Variants in CD151 observed in about 807,000 individuals in gnomAD.
The protein encoded by CD151 is CD151 antigen.
In CD151, 20 loss-of-function variants were observed where a neutral mutation model predicts 34.2. That is an observed-to-expected ratio of 0.58 (90% CI 0.41 to 0.85). The LOEUF (loss-of-function observed/expected upper bound fraction) is 0.85, where lower values mean the gene tolerates loss of function less well. Ranked by LOEUF, CD151 falls within the 40% of genes least tolerant of loss-of-function variation. The probability of loss-of-function intolerance (pLI) is 0.00; values close to 1 mark genes in which losing one functional copy is unlikely to be tolerated. For synonymous variants in CD151, 157 were observed against 131.7 expected (o/e 1.19, Z -1.32); for missense variants, 306 against 324.5 (o/e 0.94, Z 0.44).
At chr11:837,422 G>A in intron 6 of CD151, 38 bp from the exon 7 acceptor site, 4 of 1,611,810 alleles carry the variant, frequency 2.5e-6, no homozygotes, top group East Asian at 2.2e-5. Flanking sequence ...AGGAGCCTCT[G>A]GCCCCAGGTC....
chr11:834,782 CCTGT>C (rs1255607753), intron 2 of CD151, 191 bp downstream of exon 2: 3 of 152,418 alleles, frequency 2.0e-5, no homozygotes, highest in Non-Finnish European at 2.9e-5. Context: ...AGGGGCATAG[CCTGT>C]CTGTGCTGCC....
At position 838,019 on chromosome 11, in the gene CD151, C is replaced by G. The variant is rs767797783; in HGVS notation, c.693C>G (p.Ala231=). 2.5e-6 allele frequency: 4 copies of G among 1,613,222 alleles called. No homozygotes were observed. Among genetic ancestry groups the G allele is most frequent in the Non-Finnish European group, 3.4e-6 (4 of 1,179,734 alleles). The change falls in exon 8 of 9, where the codon GCC becomes GCG. Residue 231 remains alanine, a synonymous_variant. Coordinates refer to ENST00000397420, the MANE Select transcript of CD151 (RefSeq NM_004357.5). ...TTGGGGCTGTGGGGATCGGCATTGC[C>G]TGTGTGCAGGTGAGGGCACATGGGG... ...RVIGAVGIGI[A]CVQVFGMIFT... is the part of the protein sequence containing the mutation.
At position 837,518 on chromosome 11, in the gene CD151, C is replaced by T; in HGVS notation, c.515C>T (p.Ser172Leu). 6.2e-7 allele frequency: 1 copy of T among 1,613,004 alleles called. No individual in the cohort carries two copies. The highest frequency in any genetic ancestry group is 1.1e-5 in the South Asian group (1 of 91,070). Residue 172 changes from serine (S) to leucine (L), a missense_variant, in exon 7 of 9, where the codon TCA becomes TTA. Coordinates refer to ENST00000397420, the MANE Select transcript of CD151 (RefSeq NM_004357.5). ...QDWRDSEWIR[S>L]QEAGGRVVPD... ...TGGCGAGACAGTGAGTGGATCCGCT[C>T]ACAGGAGGCCGGTGGCCGTGTGGTC...
rs1297827425 is a variant in CD151, at chr11:838,147, C to T, written c.717C>T (p.Ile239=). The T allele has an allele frequency of 1.9e-6, 3 of 1,613,092 alleles. No homozygotes were observed. Among genetic ancestry groups the T allele is most frequent in the Non-Finnish European group, 2.5e-6 (3 of 1,179,868 alleles). The change falls in exon 9 of 9, where the codon ATC becomes ATT. Residue 239 remains isoleucine, a synonymous_variant. Transcript: ENST00000397420. ...GIACVQVFGM[I]FTCCLYRSLK... is the part of the protein sequence containing the mutation. ...TCTGCACACAGGTCTTTGGCATGAT[C>T]TTCACGTGCTGCCTGTACAGGAGTC... is the stretch of plus-strand genomic sequence containing the variant.
rs1846767431 is a variant in CD151, at chr11:836,374, G to A, written c.208G>A (p.Val70Ile). The change falls in exon 4 of 9, where the codon GTC becomes ATC. Residue 70 changes from valine (V) to isoleucine (I), a missense_variant. Coordinates refer to ENST00000397420, the MANE Select transcript of CD151 (RefSeq NM_004357.5). ...CTACATCCTGGTGGTGGCGGGCACT[G>A]TCGTCATGGTGACTGGGGTCTTGGG... The part of the protein sequence containing the change: ...TAYILVVAGT[V>I]VMVTGVLGCC... 1 of 1,612,462 alleles carries A rather than the reference G, an allele frequency of 6.2e-7. No homozygotes were observed. The highest frequency in any genetic ancestry group is 8.5e-7 in the Non-Finnish European group (1 of 1,179,906).
chr11:836,431 C>G lies in CD151; in HGVS notation c.265C>G (p.Leu89Val), dbSNP rs1350600283. 2.5e-6 allele frequency: 4 copies of G among 1,607,850 alleles called. No individual in the cohort carries two copies. The highest frequency in any genetic ancestry group is 3.4e-6 in the Non-Finnish European group (4 of 1,178,780). Residue 89 changes from leucine to valine, a missense_variant, in exon 4 of 9, where the codon CTG (leucine) becomes GTG (valine). Physicochemically the swap from Leu to Val is conservative, Grantham distance 32. Transcript: ENST00000397420. ...CCATFKERRNLLRLYFILLLI... is the reference protein window; with the variant it reads ...CCATFKERRNVLRLYFILLLI... Reference sequence around the variant, plus strand: ...CGCCACCTTCAAGGAGCGTCGGAACCTGCTGCGCCTGGTCAGGAGGGCGCA... The same window carrying G: ...CGCCACCTTCAAGGAGCGTCGGAACGTGCTGCGCCTGGTCAGGAGGGCGCA...
chr11:837,613 G>A lies in CD151; in HGVS notation c.610G>A (p.Val204Met). The A allele has an allele frequency of 6.2e-7, 1 of 1,611,682 alleles. No individual in the cohort carries two copies. Among genetic ancestry groups the A allele is most frequent in the East Asian group, 2.2e-5 (1 of 44,836 alleles). Residue 204 changes from valine (V) to methionine (M), a missense_variant, in exon 7 of 9, where the codon GTG becomes ATG. Transcript: ENST00000397420. ...QRDHASNIYK[V>M]EGGCITKLET... ...AGACCATGCCTCCAACATCTACAAG[G>A]TGGAGGTGGGTGTGCAGCGGGATCA...
Position 837,478 on chromosome 11 carries a change from A to G in CD151, c.475A>G (p.Asn159Asp). Residue 159 changes from asparagine to aspartate, a missense_variant, in exon 7 of 9, where the codon AAC becomes GAC. Coordinates refer to ENST00000397420, the MANE Select transcript of CD151 (RefSeq NM_004357.5). Reference protein sequence around the residue: ...LQQEFHCCGSNNSQDWRDSEW... With the variant: ...LQQEFHCCGSDNSQDWRDSEW... ...GATGCAGTTCCACTGCTGTGGCAGC[A>G]ACAACTCACAGGACTGGCGAGACAG... 1 of 1,612,974 alleles carries G rather than the reference A, an allele frequency of 6.2e-7. No homozygotes were observed. Among genetic ancestry groups the G allele is most frequent in the Non-Finnish European group, 8.5e-7 (1 of 1,179,974 alleles).
chr11:838,509 C>G lies in CD151; in HGVS notation c.*317C>G, dbSNP rs984380423. On this transcript the variant is annotated 3_prime_UTR_variant, in exon 9 of 9. Transcript: ENST00000397420. ...GAGCGTTCCCAGCAGGGGGAGAAAC[C>G]CTTCACACCCCAGGCCCTTCAGGAA... 8.0e-6 allele frequency: 4 copies of G among 499,740 alleles called. No individual in the cohort carries two copies. In the Admixed American group the frequency reaches 1.1e-4, roughly 14 times the overall value. The allele number at this position is 499,740 out of a possible 1,614,324, so 31.0% of individuals were successfully genotyped here.
chr11:837,085 GT>G (rs1313622188), intron 5 of CD151, 164 bp from the exon 6 acceptor site: 1 of 674,478 alleles, frequency 1.5e-6, no homozygotes, highest in African/African-American at 1.8e-5. Flanking sequence ...CCTGGTGACG[GT>G]CCTGGCACCA....
intron 2 of CD151, chr11:835,227 G>C (rs373455546): frequency 6.6e-6 from 1 of 152,314 alleles, no homozygotes; most frequent in South Asian, 2.1e-4. Context: ...CAGGGCTCCT[G>C]AGTCGCTAGG....
chr11:835,783 G>T, intron 2 of CD151: 1 of 377,578 alleles, frequency 2.6e-6, no homozygotes, highest in Non-Finnish European at 5.0e-6. Context: ...CGCCTCCCGG[G>T]TTCACGCCAT....
intron 5 of CD151, 47 bp downstream of exon 5, chr11:836,890 G>A (rs1249097985): frequency 1.4e-5 from 22 of 1,542,812 alleles, no homozygotes; most frequent in Non-Finnish European, 1.8e-5. Flanking sequence ...ATGCACAGGC[G>A]GGGCGGACAC....
chr11:836,724 GCACTAGGCCT>G (rs1277190224), intron 4 of CD151, 35 bp from the exon 5 acceptor site: 1 of 1,570,968 alleles, frequency 6.4e-7, no homozygotes, highest in Admixed American at 1.7e-5. Flanking sequence ...CTAGGTCTAG[GCACTAGGCCT>G]CAGAACAAGG....
rs1173827291 is a variant in CD151, at chr11:836,063, C to T, written c.-7C>T. 1.9e-6 allele frequency: 3 copies of T among 1,604,052 alleles called. No individual in the cohort carries two copies. Among genetic ancestry groups the T allele is most frequent in the Admixed American group, 1.7e-5 (1 of 59,952 alleles). ...GCTGACCCCTCCCCTGCCTCCTCAGCCCCAGGATGGGTGAGTTCAACGAGA... is the reference window on the plus strand; with the variant it reads ...GCTGACCCCTCCCCTGCCTCCTCAGTCCCAGGATGGGTGAGTTCAACGAGA... On this transcript the variant is annotated splice_region_variant and 5_prime_UTR_variant, in exon 3 of 9. Transcript: ENST00000397420.
intron 1 of CD151, among the ~76,000 whole-genome samples, chr11:833,612 C>T (rs1280862144): frequency 6.6e-6 from 1 of 152,230 alleles, no homozygotes; most frequent in African/African-American, 2.4e-5. Context: ...ACAACTATTT[C>T]TGGAAGGCCC....
intron 4 of CD151, 97 bp downstream of exon 4, chr11:836,539 T>TG (rs56063221): frequency 4.1e-5 from 32 of 782,594 alleles, no homozygotes; most frequent in South Asian, 1.6e-4. Flanking sequence ...TGTGCTCACC[T>TG]GGGGGGGGGG....
chr11:838,259 G>A lies in CD151; in HGVS notation c.*67G>A, dbSNP rs778215958. On this transcript the variant is annotated 3_prime_UTR_variant, in exon 9 of 9. Transcript: ENST00000397420. ...CTGAGACCACTGAGTACCAGGGGCT[G>A]GGCTCCCTGATGACACCCACCCTGT... 55 of 1,376,984 alleles carry A rather than the reference G, an allele frequency of 4.0e-5. No homozygotes were observed. Among genetic ancestry groups the A allele is most frequent in the Non-Finnish European group, 5.4e-5 (52 of 966,892 alleles). The allele number at this position is 1,376,984 out of a possible 1,614,324, so 85.3% of individuals were successfully genotyped here.
chr11:837,241 C>A lies in CD151; in HGVS notation c.352-9C>A. On this transcript the variant is annotated splice_polypyrimidine_tract_variant and intron_variant, in intron 5 of 8. Coordinates refer to ENST00000397420, the MANE Select transcript of CD151 (RefSeq NM_004357.5). ...ACTGAGGCTGAAGTTTCCTGCACCC[C>A]AACCCCAGCTGAACACGGAGCTCAA... 1 of 1,609,490 alleles carries A rather than the reference C, an allele frequency of 6.2e-7. No individual in the cohort carries two copies. Among genetic ancestry groups the A allele is most frequent in the South Asian group, 1.1e-5 (1 of 91,002 alleles).
Sources: gnomAD v4.1 joint callset for allele counts (sites outside exome capture counted in the v4.1 genomes callset) on GRCh38, gnomAD v4.1.1 for gene constraint, MANE v1.5 for transcripts, NCBI Gene and HGNC (gene_info 2026-07-23, HGNC 2026-07-21) for gene names.